SLC35F3: variants seen among roughly 807,000 people sequenced by gnomAD.
SLC35F3 encodes the protein putative thiamine transporter SLC35F3.
SLC35F3 carries 25 observed loss-of-function variants against 49.9 expected under a neutral mutation model. The ratio of observed to expected loss-of-function variants is 0.50; its 90% CI spans 0.37 to 0.70. SLC35F3 has a LOEUF of 0.70. Ranked by LOEUF, SLC35F3 falls within the 30% of genes least tolerant of loss-of-function variation. SLC35F3 has a pLI of 0.00. For missense variants in SLC35F3, 525 were observed against 639.8 expected (o/e 0.82, Z 1.94); for synonymous variants, 275 against 265.4 (o/e 1.04, Z -0.35).
rs369277069 is a variant in SLC35F3 at position 234,227,392 on chromosome 1, CTTTTTTTTTTTTTT to C, written c.284-4014_284-4001del. Among the ~76,000 whole-genome samples the C allele has an allele frequency of 5.5e-5, 6 of 108,720 alleles. No homozygotes were observed. In the South Asian group the frequency reaches 2.8e-3, roughly 50 times the overall value. 71.3% of individuals were successfully genotyped at this position (108,720 alleles called of 152,430 possible). A position where few individuals can be genotyped will look rare whatever the true frequency, so the allele number is the denominator to read the frequency against. On this transcript the variant is annotated intron_variant, in intron 2 of 7. Transcript: ENST00000366618. The stretch of plus-strand genomic sequence containing the variant: ...TCCTTGAGGCACTGCCTCTTTCTTT[CTTTTTTTTTTTTTT>C]TTTTTTTTTTGAGATGGAGTCTAGC...
chr1:234,142,552 T>G (rs943625700), intron 2 of SLC35F3, among the ~76,000 whole-genome samples: 5 of 152,148 alleles, frequency 3.3e-5, no homozygotes, highest in African/African-American at 1.2e-4. Flanking sequence ...GGAGTTTCAT[T>G]TTCATTAAAT....
At chr1:233,938,440 C>G (rs886794124) in intron 2 of SLC35F3, among the ~76,000 whole-genome samples, 16 of 152,136 alleles carry the variant, frequency 1.1e-4, no homozygotes, top group Admixed American at 2.0e-4. Flanking sequence ...GAGAGGCAAC[C>G]TAAGAATATT....
intron 2 of SLC35F3, among the ~76,000 whole-genome samples, chr1:234,119,735 G>A (rs980832083): frequency 6.6e-6 from 1 of 152,168 alleles, no homozygotes; most frequent in Non-Finnish European, 1.5e-5. Context: ...TATTAGGGGT[G>A]GGGAAATGAA....
chr1:234,034,746 C>T (rs982284251), intron 2 of SLC35F3, among the ~76,000 whole-genome samples: 1 of 152,188 alleles, frequency 6.6e-6, no homozygotes, highest in Non-Finnish European at 1.5e-5. Flanking sequence ...TAGTCTCGAA[C>T]TCCTAGCCTC....
At chr1:233,929,908 A>C (rs910143674) in intron 2 of SLC35F3, among the ~76,000 whole-genome samples, 2 of 152,150 alleles carry the variant, frequency 1.3e-5, no homozygotes, top group African/African-American at 4.8e-5. Context: ...ATCTTTGTGG[A>C]GAGTGACTTT....
At chr1:233,905,204 C>A in intron 1 of SLC35F3, 74 bp downstream of exon 1, 4 of 1,473,614 alleles carry the variant, frequency 2.7e-6, no homozygotes, top group Non-Finnish European at 3.7e-6. Flanking sequence ...CCCTTTGCAG[C>A]TGGGACACTG....
At chr1:234,185,312 G>A (rs561639380) in intron 2 of SLC35F3, among the ~76,000 whole-genome samples, 1 of 152,242 alleles carries the variant, frequency 6.6e-6, no homozygotes, top group East Asian at 1.9e-4. Flanking sequence ...TCCCAGGATC[G>A]CTGAATATCC....
At chr1:234,091,889 A>G (rs1349274386) in intron 2 of SLC35F3, among the ~76,000 whole-genome samples, 2 of 152,212 alleles carry the variant, frequency 1.3e-5, no homozygotes, top group Non-Finnish European at 2.9e-5. Flanking sequence ...ACGCAGTATT[A>G]GTGCCTATCT....
At chr1:234,297,493 A>G (rs1057513559) in intron 3 of SLC35F3, among the ~76,000 whole-genome samples, 1 of 152,260 alleles carries the variant, frequency 6.6e-6, no homozygotes, top group Non-Finnish European at 1.5e-5. Context: ...GGCAACATCG[A>G]TGGACTTAGA....
At chr1:234,101,886 C>G (rs1424784809) in intron 2 of SLC35F3, among the ~76,000 whole-genome samples, 1 of 152,204 alleles carries the variant, frequency 6.6e-6, no homozygotes, top group Non-Finnish European at 1.5e-5. Flanking sequence ...TTTGCTGTAG[C>G]AATATCAGGA....
chr1:234,045,761 T>C (rs1436514576), intron 2 of SLC35F3, among the ~76,000 whole-genome samples: 2 of 152,062 alleles, frequency 1.3e-5, no homozygotes, highest in Admixed American at 6.6e-5. Context: ...TGTGACCTTC[T>C]TCATCCTCAG....
At chr1:234,247,259 G>A (rs184803503) in intron 3 of SLC35F3, among the ~76,000 whole-genome samples, 1 of 152,376 alleles carries the variant, frequency 6.6e-6, no homozygotes, top group African/African-American at 2.4e-5. Context: ...GTGCATATGT[G>A]TATAATAGAG....
At chr1:234,129,344 T>C (rs896336204) in intron 2 of SLC35F3, among the ~76,000 whole-genome samples, 4 of 151,952 alleles carry the variant, frequency 2.6e-5, no homozygotes, top group Admixed American at 1.3e-4. Context: ...TACAATAGAC[T>C]CAAAAACACC....
At chr1:234,076,905 C>A (rs1664799569) in intron 2 of SLC35F3, among the ~76,000 whole-genome samples, 1 of 151,940 alleles carries the variant, frequency 6.6e-6, no homozygotes, top group Non-Finnish European at 1.5e-5. Context: ...ACCAAAGCAT[C>A]TTACTAATGG....
At chr1:234,276,466 T>C (rs901203507) in intron 3 of SLC35F3, among the ~76,000 whole-genome samples, 1 of 152,118 alleles carries the variant, frequency 6.6e-6, no homozygotes, top group African/African-American at 2.4e-5. Flanking sequence ...CCCTCTACTG[T>C]GTATAAGGCA....
intron 2 of SLC35F3, among the ~76,000 whole-genome samples, chr1:234,146,913 A>G (rs1666006422): frequency 6.6e-6 from 1 of 152,040 alleles, no homozygotes; most frequent in South Asian, 2.1e-4. Context: ...GTGTGAAAAA[A>G]CTGAGATCTT....
intron 2 of SLC35F3, among the ~76,000 whole-genome samples, chr1:234,061,778 T>C (rs1664544168): frequency 6.6e-6 from 1 of 152,220 alleles, no homozygotes; most frequent in Non-Finnish European, 1.5e-5. Context: ...TTGTTATACT[T>C]TTCAACTCCA....
chr1:233,975,910 C>T (rs569787529), intron 2 of SLC35F3, among the ~76,000 whole-genome samples: 32 of 152,254 alleles, frequency 2.1e-4, no homozygotes, highest in African/African-American at 7.2e-4. Flanking sequence ...ATAAATGACC[C>T]AGAGGTGTAC....
chr1:233,926,446 C>A (rs10910311), intron 2 of SLC35F3, among the ~76,000 whole-genome samples: 52 of 152,256 alleles, frequency 3.4e-4, no homozygotes, highest in African/African-American at 1.2e-3. Context: ...CTTTTGCAAG[C>A]GTCACATAGT....
Sources: allele counts gnomAD v4.1 joint callset (sites outside exome capture counted in the v4.1 genomes callset), GRCh38; gene constraint gnomAD v4.1.1; transcripts MANE v1.5; gene names NCBI Gene and HGNC (gene_info 2026-07-23, HGNC 2026-07-21).